The following SLC25A26 variants were observed in gnomAD, a reference collection of about 807,000 sequenced individuals.
The protein encoded by SLC25A26 is mitochondrial S-adenosylmethionine carrier protein.
In SLC25A26, 36 loss-of-function variants were observed where a neutral mutation model predicts 37.8. That is an observed-to-expected ratio of 0.95 (90% CI 0.73 to 1.26). The LOEUF is 1.26. Among genes scored for constraint, SLC25A26 ranks in the 50% most tolerant of loss-of-function variants. The pLI, the probability that SLC25A26 is intolerant of heterozygous loss-of-function variation, is 0.00. For missense variants in SLC25A26, 390 were observed against 331.1 expected (o/e 1.18, Z -1.38); for synonymous variants, 129 against 122.5 (o/e 1.05, Z -0.35).
At chr3:66,322,191 A>G (rs1161315720) in intron 5 of SLC25A26, among the ~76,000 whole-genome samples, 2 of 152,180 alleles carry the variant, frequency 1.3e-5, no homozygotes, top group African/African-American at 4.8e-5. Flanking sequence ...TTGTTTTCAC[A>G]TTTAGGATAC....
At chr3:66,206,790 C>T (rs1270063300) in intron 1 of SLC25A26, among the ~76,000 whole-genome samples, 1 of 151,268 alleles carries the variant, frequency 6.6e-6, no homozygotes, top group Non-Finnish European at 1.5e-5. Context: ...ATTGTAACCT[C>T]CACCTCTTGG....
intron 1 of SLC25A26, among the ~76,000 whole-genome samples, chr3:66,199,305 T>C (rs977688154): frequency 3.3e-5 from 5 of 152,044 alleles, no homozygotes; most frequent in African/African-American, 1.2e-4. Flanking sequence ...TACCTCATGT[T>C]GACACTGAAA....
chr3:66,133,931 G>C (rs757310850), exon 1 of SLC25A26: 2 of 152,056 alleles, frequency 1.3e-5, no homozygotes, highest in Non-Finnish European at 2.9e-5. Flanking sequence ...ATGAAAATGC[G>C]TACTACATAC....
At position 66,197,716 on chromosome 3, in the gene SLC25A26, A is replaced by G. The variant is rs894194360; in HGVS notation, c.-353-23026A>G. Among the ~76,000 whole-genome samples the G allele has an allele frequency of 1.0e-3, 157 of 152,184 alleles. 5 individuals are homozygous for G. Among genetic ancestry groups the G allele is most frequent in the African/African-American group, 3.5e-3 (144 of 41,522 alleles). On this transcript the variant is annotated intron_variant, in intron 1 of 10. Transcript: ENST00000676754. ...GTGTCAGGTTCATGGTCAGAAGTAAAGTCAGTGTGAGGCTGAAGGTCAAGG... is the reference window on the plus strand; with the variant it reads ...GTGTCAGGTTCATGGTCAGAAGTAAGGTCAGTGTGAGGCTGAAGGTCAAGG...
intron 5 of SLC25A26, among the ~76,000 whole-genome samples, chr3:66,319,152 G>C (rs891086751): frequency 6.6e-6 from 1 of 152,170 alleles, no homozygotes; most frequent in South Asian, 2.1e-4. Context: ...AATCAGGTTA[G>C]AGTTTGTAGA....
At chr3:66,359,557 A>G (rs1446658448) in intron 6 of SLC25A26, among the ~76,000 whole-genome samples, 1 of 152,224 alleles carries the variant, frequency 6.6e-6, no homozygotes, top group African/African-American at 2.4e-5. Flanking sequence ...ACCTTTAGTC[A>G]TCAACAGAAA....
At chr3:66,270,145 G>C (rs1261568149) in intron 5 of SLC25A26, among the ~76,000 whole-genome samples, 3 of 152,152 alleles carry the variant, frequency 2.0e-5, no homozygotes. Context: ...CTTTGCATGA[G>C]ACAGGTGATG....
rs1309404526 is a variant in SLC25A26 at position 66,377,973 on chromosome 3, A to T, written c.*166A>T. ...TCCGTGGTATAGGCTGGCTGGTATG[A>T]AGTCATTGGCCTGTATGCCAGAGAG... On this transcript the variant is annotated 3_prime_UTR_variant, in exon 10 of 10. Coordinates refer to ENST00000354883, the MANE Select transcript of SLC25A26 (RefSeq NM_001379210.1). 7 of 594,550 alleles carry T rather than the reference A, an allele frequency of 1.2e-5. No individual in the cohort carries two copies. Among genetic ancestry groups the T allele is most frequent in the Non-Finnish European group, 2.1e-5 (7 of 335,746 alleles). 36.8% of individuals were successfully genotyped at this position (594,550 alleles called of 1,614,324 possible).
chr3:66,250,766 T>C (rs2073052740), intron 3 of SLC25A26, among the ~76,000 whole-genome samples: 1 of 152,058 alleles, frequency 6.6e-6, no homozygotes, highest in Admixed American at 6.5e-5. Flanking sequence ...GGTAGATGGA[T>C]GGGTGTTAAT....
At chr3:66,215,430 G>T (rs2071345902) in intron 1 of SLC25A26, among the ~76,000 whole-genome samples, 1 of 152,154 alleles carries the variant, frequency 6.6e-6, no homozygotes, top group Non-Finnish European at 1.5e-5. Context: ...TGAATTCCTG[G>T]ACTCAAGTGA....
At chr3:66,317,516 C>T (rs952651791) in intron 5 of SLC25A26, among the ~76,000 whole-genome samples, 1 of 152,152 alleles carries the variant, frequency 6.6e-6, no homozygotes, top group Non-Finnish European at 1.5e-5. Context: ...GAGGCACTGA[C>T]CTGATGCTGG....
intron 3 of SLC25A26, among the ~76,000 whole-genome samples, chr3:66,244,485 C>G (rs2072732566): frequency 6.6e-6 from 1 of 152,164 alleles, no homozygotes; most frequent in African/African-American, 2.4e-5. Flanking sequence ...ACATGTAAAA[C>G]TTTGCACCCA....
At chr3:66,163,419 C>T (rs924085051) in intron 1 of SLC25A26, among the ~76,000 whole-genome samples, 6 of 152,074 alleles carry the variant, frequency 3.9e-5, no homozygotes, top group Non-Finnish European at 8.8e-5. Context: ...CTTTTTTCCC[C>T]GGTCCTTTGT....
intron 1 of SLC25A26, among the ~76,000 whole-genome samples, chr3:66,222,421 C>T (rs2071543621): frequency 6.6e-6 from 1 of 152,060 alleles, no homozygotes; most frequent in Non-Finnish European, 1.5e-5. Context: ...ACCTCGTGAT[C>T]CCGCCCGCCT....
At chr3:66,314,430 G>A (rs773548068) in intron 5 of SLC25A26, among the ~76,000 whole-genome samples, 85 of 152,106 alleles carry the variant, frequency 5.6e-4, no homozygotes, top group African/African-American at 1.7e-3. Context: ...ATTGATTTGC[G>A]TATGTTGAAC....
At chr3:66,298,457 G>A (rs1056992237) in intron 5 of SLC25A26, among the ~76,000 whole-genome samples, 1 of 152,096 alleles carries the variant, frequency 6.6e-6, no homozygotes, top group Non-Finnish European at 1.5e-5. Context: ...TCTTTGTGGG[G>A]TTTTCTTTTT....
intron 5 of SLC25A26, among the ~76,000 whole-genome samples, chr3:66,296,612 G>A (rs1254882500): frequency 6.6e-6 from 1 of 152,054 alleles, no homozygotes; most frequent in East Asian, 1.9e-4. Context: ...TATACTTTTA[G>A]GTATCTAAGT....
intron 9 of SLC25A26, among the ~76,000 whole-genome samples, chr3:66,373,650 A>G (rs940861710): frequency 3.4e-5 from 5 of 148,554 alleles, no homozygotes; most frequent in African/African-American, 1.2e-4. Flanking sequence ...TTCTGTCCTC[A>G]CCACCCACCC....
chr3:66,344,704 T>A (rs1307093433), intron 5 of SLC25A26, among the ~76,000 whole-genome samples: 4 of 152,268 alleles, frequency 2.6e-5, no homozygotes, highest in African/African-American at 9.6e-5. Flanking sequence ...GACTGGACAT[T>A]ACTTCAGCTG....
Sources: gnomAD v4.1 joint callset for allele counts (sites outside exome capture counted in the v4.1 genomes callset) on GRCh38, gnomAD v4.1.1 for gene constraint, MANE v1.5 for transcripts, NCBI Gene and HGNC (gene_info 2026-07-23, HGNC 2026-07-21) for gene names.